Variants in ITGA9 observed in about 807,000 individuals in gnomAD.
ITGA9 encodes integrin subunit alpha 9.
Under a neutral mutation model 127.8 loss-of-function variants are expected in ITGA9, and 56 were observed. The observed-to-expected ratio is 0.44, with a 90% CI of 0.35 to 0.55. ITGA9 has a LOEUF of 0.55. ITGA9 is among the 20% of genes least tolerant of loss of function. ITGA9 has a pLI of 0.00. For synonymous variants in ITGA9, 508 were observed against 514.5 expected (o/e 0.99, Z 0.17); for missense variants, 1,196 against 1,347.1 (o/e 0.89, Z 1.76).
At chr3:37,778,388 G>C (rs948578668) in intron 24 of ITGA9, among the ~76,000 whole-genome samples, 2 of 152,024 alleles carry the variant, frequency 1.3e-5, no homozygotes, top group African/African-American at 4.8e-5. Flanking sequence ...GGAGGCTGAG[G>C]GGGTGGATCA....
At chr3:37,797,259 C>T (rs1362052573) in intron 26 of ITGA9, among the ~76,000 whole-genome samples, 1 of 152,002 alleles carries the variant, frequency 6.6e-6, no homozygotes, top group Non-Finnish European at 1.5e-5. Context: ...TTGAGCCCAC[C>T]TCAAGTGATT....
At chr3:37,743,407 C>T (rs1696461415) in intron 21 of ITGA9, among the ~76,000 whole-genome samples, 1 of 152,122 alleles carries the variant, frequency 6.6e-6, no homozygotes, top group Non-Finnish European at 1.5e-5. Context: ...TATGTAGCCT[C>T]CGAAATCCAA....
intron 18 of ITGA9, among the ~76,000 whole-genome samples, chr3:37,690,420 C>T (rs1049678497): frequency 3.3e-5 from 5 of 152,158 alleles, no homozygotes; most frequent in African/African-American, 1.2e-4. Context: ...ATCTCCCCTC[C>T]CCACCTCATT....
intron 5 of ITGA9, among the ~76,000 whole-genome samples, chr3:37,497,715 A>C (rs1360024498): frequency 6.6e-6 from 1 of 152,188 alleles, no homozygotes; most frequent in Non-Finnish European, 1.5e-5. Context: ...CTTCCATCTC[A>C]GCAAACATTT....
At chr3:37,778,545 G>T (rs528585380) in intron 24 of ITGA9, among the ~76,000 whole-genome samples, 1 of 151,972 alleles carries the variant, frequency 6.6e-6, no homozygotes, top group East Asian at 1.9e-4. Context: ...TTGAATCAGG[G>T]AGGCAGAGGT....
rs1699351453 is a variant in ITGA9 at position 37,548,728 on chromosome 3, G to A, written c.1689+6143G>A. 2.0e-5 allele frequency among the ~76,000 whole-genome samples: 3 copies of A among 152,206 alleles called. No homozygotes were observed. The South Asian group carries it at 6.2e-4, about 32-fold the overall frequency. The stretch of plus-strand genomic sequence containing the variant: ...CTGAGGACCCCTGAGAGGGCAGCAT[G>A]GAGGGGCCCTGGTGCTCTCTAAGGT... On this transcript the variant is annotated intron_variant, in intron 15 of 27. Coordinates refer to ENST00000264741, the MANE Select transcript of ITGA9 (RefSeq NM_002207.3).
intron 15 of ITGA9, among the ~76,000 whole-genome samples, chr3:37,559,658 A>G (rs1405284749): frequency 6.6e-6 from 1 of 152,248 alleles, no homozygotes; most frequent in Non-Finnish European, 1.5e-5. Flanking sequence ...TACTTAAAAT[A>G]TGTCAGAAAG....
chr3:37,461,715 A>C (rs1483121970), intron 1 of ITGA9, among the ~76,000 whole-genome samples: 1 of 152,218 alleles, frequency 6.6e-6, no homozygotes, highest in Non-Finnish European at 1.5e-5. Context: ...GCTCTACATA[A>C]ATCTGCATTT....
intron 18 of ITGA9, among the ~76,000 whole-genome samples, chr3:37,711,924 A>C (rs1701083868): frequency 6.6e-6 from 1 of 152,146 alleles, no homozygotes; most frequent in African/African-American, 2.4e-5. Flanking sequence ...ATGTCCAGTA[A>C]GCCTGAGCAG....
At chr3:37,522,100 G>A (rs972143677) in intron 11 of ITGA9, among the ~76,000 whole-genome samples, 5 of 151,954 alleles carry the variant, frequency 3.3e-5, no homozygotes, top group South Asian at 2.1e-4. Context: ...AGGATGACTC[G>A]GGAAAGAGAA....
At chr3:37,481,096 T>G (rs929505412) in intron 3 of ITGA9, among the ~76,000 whole-genome samples, 2 of 152,130 alleles carry the variant, frequency 1.3e-5, no homozygotes, top group Non-Finnish European at 2.9e-5. Flanking sequence ...TCACGATGTA[T>G]CCTTTACATT....
chr3:37,738,209 G>A (rs1313869729), intron 20 of ITGA9, among the ~76,000 whole-genome samples: 1 of 152,212 alleles, frequency 6.6e-6, no homozygotes, highest in Non-Finnish European at 1.5e-5. Flanking sequence ...AGAAGCCTAT[G>A]CAAAGCATAG....
At chr3:37,782,687 G>T (rs560711542) in intron 25 of ITGA9, among the ~76,000 whole-genome samples, 1 of 152,346 alleles carries the variant, frequency 6.6e-6, no homozygotes, top group African/African-American at 2.4e-5. Flanking sequence ...CAGGCCTCCC[G>T]AAGGATGTGG....
intron 15 of ITGA9, among the ~76,000 whole-genome samples, chr3:37,623,892 G>T (rs935872722): frequency 6.6e-6 from 1 of 152,102 alleles, no homozygotes; most frequent in African/African-American, 2.4e-5. Flanking sequence ...AAAGGAAAAG[G>T]CATCCCACTT....
chr3:37,467,139 C>T (rs969424962), intron 1 of ITGA9, among the ~76,000 whole-genome samples: 1 of 152,110 alleles, frequency 6.6e-6, no homozygotes, highest in Non-Finnish European at 1.5e-5. Context: ...GAGGAAGCCA[C>T]GATGTTCTGT....
At position 37,774,157 on chromosome 3, in the gene ITGA9, C is replaced by T. The variant is rs560413427; in HGVS notation, c.2542-3235C>T. Reference sequence around the variant, plus strand: ...TGCAGCAGTTGTTTTCCTCATTTGTCTTGCAAGTGAATATTCATGCTGCTC... The same window carrying T: ...TGCAGCAGTTGTTTTCCTCATTTGTTTTGCAAGTGAATATTCATGCTGCTC... On this transcript the variant is annotated intron_variant, in intron 23 of 27. Transcript: ENST00000264741. 2.6e-5 allele frequency among the ~76,000 whole-genome samples: 4 copies of T among 152,332 alleles called. No homozygotes were observed. In the East Asian group the frequency reaches 7.7e-4, roughly 29 times the overall value.
rs552125238 is a variant in ITGA9, at chr3:37,614,684, C to G, written c.1690-14503C>G. ...TCTCCTTGAGGAGGTCCTTCACATCCCTTGTAAGTTGGATTCCTAGGTATT... is the reference window on the plus strand; with the variant it reads ...TCTCCTTGAGGAGGTCCTTCACATCGCTTGTAAGTTGGATTCCTAGGTATT... On this transcript the variant is annotated intron_variant, in intron 15 of 27. Coordinates refer to ENST00000264741, the MANE Select transcript of ITGA9 (RefSeq NM_002207.3). 1.3e-4 allele frequency among the ~76,000 whole-genome samples: 20 copies of G among 152,142 alleles called. No homozygotes were observed. The East Asian group carries it at 3.5e-3, about 26-fold the overall frequency.
chr3:37,737,124 A>T (rs2276866), intron 20 of ITGA9, 141 bp downstream of exon 20: 184,124 of 701,060 alleles, frequency 0.26, 28,265 homozygotes, highest in African/African-American at 0.58. Context: ...CTTGAGCCGC[A>T]AAGTGGAATT....
At chr3:37,788,587 A>G (rs1294848484) in intron 26 of ITGA9, among the ~76,000 whole-genome samples, 1 of 152,162 alleles carries the variant, frequency 6.6e-6, no homozygotes, top group East Asian at 1.9e-4. Context: ...CACAAGCAGT[A>G]ATATATTAGG....
Sources: allele counts gnomAD v4.1 joint callset (sites outside exome capture counted in the v4.1 genomes callset), GRCh38; gene constraint gnomAD v4.1.1; transcripts MANE v1.5; gene names NCBI Gene and HGNC (gene_info 2026-07-23, HGNC 2026-07-21).